SLC7A14: variants seen among roughly 807,000 people sequenced by gnomAD.
SLC7A14 encodes the protein solute carrier family 7 member 14, also known as gamma-aminobutyric acid transporter SLC7A14.
In SLC7A14, 37 loss-of-function variants were observed where a neutral mutation model predicts 60.2. The ratio of observed to expected loss-of-function variants is 0.61; its 90% confidence interval spans 0.47 to 0.81. The LOEUF is 0.81. SLC7A14 is among the 30% of genes least tolerant of loss of function. The pLI, the probability that SLC7A14 is intolerant of heterozygous loss-of-function variation, is 0.00. For missense variants in SLC7A14, 886 were observed against 982.7 expected (o/e 0.90, Z 1.32); for synonymous variants, 399 against 395.8 (o/e 1.01, Z -0.10).
chr3:170,474,654 T>G (rs1478449200), intron 7 of SLC7A14, among the ~76,000 whole-genome samples: 4 of 152,226 alleles, frequency 2.6e-5, no homozygotes, highest in African/African-American at 9.6e-5. Context: ...TTTCTTTCCC[T>G]CTTCTTCTTT....
At chr3:170,467,835 C>T (rs1326765645) in intron 7 of SLC7A14, among the ~76,000 whole-genome samples, 2 of 152,188 alleles carry the variant, frequency 1.3e-5, no homozygotes, top group Non-Finnish European at 2.9e-5. Context: ...TTATTCCCAA[C>T]GTTCTTATAA....
rs182507338 is a variant in SLC7A14 at position 170,506,474 on chromosome 3, C to T, written c.305-5129G>A. Among the ~76,000 whole-genome samples, 286 of 152,280 alleles carry T rather than the reference C, an allele frequency of 1.9e-3. 2 individuals carry two copies. Among genetic ancestry groups the T allele is most frequent in the Non-Finnish European group, 3.5e-3 (241 of 68,032 alleles). On this transcript the variant is annotated intron_variant, in intron 2 of 7. Transcript: ENST00000231706. The stretch of plus-strand genomic sequence containing the variant: ...AAGGTACCGGGAGATTCTCGATTTG[C>T]AATATTCTCTGTTAATCCTCTTATA...
chr3:170,572,407 A>G (rs1269788405), intron 1 of SLC7A14, among the ~76,000 whole-genome samples: 1 of 152,346 alleles, frequency 6.6e-6, no homozygotes, highest in East Asian at 1.9e-4. Flanking sequence ...TATCTACTTT[A>G]TATGATTAAA....
intron 3 of SLC7A14, among the ~76,000 whole-genome samples, chr3:170,500,609 A>T (rs1457620945): frequency 6.6e-6 from 1 of 151,844 alleles, no homozygotes; most frequent in East Asian, 1.9e-4. Context: ...ATTTTTTTTC[A>T]TTGAAATTTG....
At chr3:170,552,069 A>G (rs1216756188) in intron 1 of SLC7A14, among the ~76,000 whole-genome samples, 3 of 152,136 alleles carry the variant, frequency 2.0e-5, no homozygotes, top group Non-Finnish European at 4.4e-5. Context: ...TCTTTAATCC[A>G]TTCTGAGTTA....
chr3:170,531,707 T>C (rs1479353085), intron 1 of SLC7A14, among the ~76,000 whole-genome samples: 1 of 152,224 alleles, frequency 6.6e-6, no homozygotes, highest in East Asian at 1.9e-4. Context: ...AATATAGTTT[T>C]GGAAGCTCAT....
rs1011803452 is a variant in SLC7A14, at chr3:170,531,196, G to A, written c.-152-4108C>T. Among the ~76,000 whole-genome samples, 5 of 152,094 alleles carry A rather than the reference G, an allele frequency of 3.3e-5. No individual in the cohort carries two copies. In the South Asian group the frequency reaches 8.3e-4, roughly 25 times the overall value. On this transcript the variant is annotated intron_variant, in intron 1 of 7. Transcript: ENST00000231706. The stretch of plus-strand genomic sequence containing the variant: ...GACAAATGCTCCGTGTGGAAAACCA[G>A]ATATTGCTGTTTTCCACAGGAGGCC...
At position 170,480,464 on chromosome 3, in the gene SLC7A14, C is replaced by T. The variant is rs2108268521; in HGVS notation, c.1818G>A (p.Leu606=). The T allele has an allele frequency of 6.2e-7, 1 of 1,613,936 alleles. No homozygotes were observed. The highest frequency in any genetic ancestry group is 8.5e-7 in the Non-Finnish European group (1 of 1,179,864). ...WAILLVVLMV[L]LISTLVFVIL... ...TCACAAACACCAGGGTGCTGATCAG[C>T]AGCACCATCAGAACAACCAGAAGGA... Residue 606 remains leucine (L), a synonymous_variant, in exon 7 of 8, where the codon CTG becomes CTA. Coordinates refer to ENST00000231706, the MANE Select transcript of SLC7A14 (RefSeq NM_020949.3).
At chr3:170,503,481 A>G (rs1191334280) in intron 2 of SLC7A14, among the ~76,000 whole-genome samples, 2 of 152,162 alleles carry the variant, frequency 1.3e-5, no homozygotes, top group Admixed American at 6.5e-5. Flanking sequence ...CATACGGATT[A>G]GGTTGCTCTT....
chr3:170,525,711 A>G (rs1355239220), intron 2 of SLC7A14, among the ~76,000 whole-genome samples: 1 of 152,228 alleles, frequency 6.6e-6, no homozygotes, highest in Non-Finnish European at 1.5e-5. Context: ...TTAGAACGTG[A>G]CAGGGAATGA....
intron 7 of SLC7A14, among the ~76,000 whole-genome samples, chr3:170,470,481 G>A (rs1298600101): frequency 6.6e-6 from 1 of 151,606 alleles, no homozygotes; most frequent in Non-Finnish European, 1.5e-5. Flanking sequence ...AGTTTCAAAG[G>A]TGTATCACTC....
chr3:170,523,431 C>T (rs1383374863), intron 2 of SLC7A14, among the ~76,000 whole-genome samples: 2 of 152,220 alleles, frequency 1.3e-5, no homozygotes, highest in African/African-American at 2.4e-5. Context: ...ACCGATTCCA[C>T]CACTTTTCAT....
intron 2 of SLC7A14, among the ~76,000 whole-genome samples, chr3:170,504,378 T>C (rs147761368): frequency 0.013 from 1,946 of 152,250 alleles, 40 homozygotes; most frequent in African/African-American, 0.044. Flanking sequence ...TGGAGTGCAG[T>C]GGTGTGATCT....
chr3:170,514,138 G>T (rs575488077), intron 2 of SLC7A14, among the ~76,000 whole-genome samples: 1 of 152,318 alleles, frequency 6.6e-6, no homozygotes, highest in African/African-American at 2.4e-5. Context: ...TGGGGTGGCC[G>T]TGGCTCCTTG....
intron 3 of SLC7A14, 52 bp from the exon 4 acceptor site, chr3:170,498,936 G>A (rs370208927): frequency 2.4e-5 from 37 of 1,569,372 alleles, no homozygotes; most frequent in Admixed American, 3.4e-5. Flanking sequence ...AAAGGGCCAT[G>A]CAAACTCCTG....
At chr3:170,498,302 T>C (rs888749397) in intron 4 of SLC7A14, among the ~76,000 whole-genome samples, 2 of 152,020 alleles carry the variant, frequency 1.3e-5, no homozygotes, top group African/African-American at 2.4e-5. Flanking sequence ...TGAATGGGAG[T>C]TTTTTTCATC....
chr3:170,512,243 G>A (rs899821688), intron 2 of SLC7A14, among the ~76,000 whole-genome samples: 1 of 152,192 alleles, frequency 6.6e-6, no homozygotes, highest in Non-Finnish European at 1.5e-5. Context: ...GAGCCCTCAC[G>A]TGGCCTCCCC....
At chr3:170,525,318 A>C (rs1713459465) in intron 2 of SLC7A14, among the ~76,000 whole-genome samples, 1 of 152,258 alleles carries the variant, frequency 6.6e-6, no homozygotes, top group South Asian at 2.1e-4. Flanking sequence ...AGGCAATAGG[A>C]GAGCCATTTT....
At chr3:170,472,906 C>A (rs1277820460) in intron 7 of SLC7A14, among the ~76,000 whole-genome samples, 3 of 152,116 alleles carry the variant, frequency 2.0e-5, no homozygotes, top group Non-Finnish European at 4.4e-5. Context: ...AAGAATCATG[C>A]CTTTAGCAAT....
Sources: gnomAD v4.1 joint callset for allele counts (sites outside exome capture counted in the v4.1 genomes callset) on GRCh38, gnomAD v4.1.1 for gene constraint, MANE v1.5 for transcripts, NCBI Gene and HGNC (gene_info 2026-07-23, HGNC 2026-07-21) for gene names.